The following SAMD8 variants were observed in gnomAD, a reference collection of about 807,000 sequenced individuals.
SAMD8 encodes the protein sterile alpha motif domain containing 8.
In SAMD8, 20 loss-of-function variants were observed where a neutral mutation model predicts 42.0. The observed-to-expected ratio is 0.48, with a 90% CI of 0.34 to 0.69. SAMD8 has a LOEUF of 0.69. Ranked by LOEUF, SAMD8 falls within the 30% of genes least tolerant of loss-of-function variation. The probability of loss-of-function intolerance (pLI) is 0.01; values close to 1 mark genes in which losing one functional copy is unlikely to be tolerated. For missense variants in SAMD8, 328 were observed against 511.6 expected (o/e 0.64, Z 3.46); for synonymous variants, 162 against 173.0 (o/e 0.94, Z 0.50).
At chr10:75,127,636 C>T (rs962124787) in intron 1 of SAMD8, among the ~76,000 whole-genome samples, 17 of 152,170 alleles carry the variant, frequency 1.1e-4, no homozygotes, top group African/African-American at 3.6e-4. Context: ...TTAGGGTGTA[C>T]ATTCTTTTTA....
intron 1 of SAMD8, among the ~76,000 whole-genome samples, chr10:75,142,884 G>T (rs1417106867): frequency 2.0e-5 from 3 of 152,214 alleles, no homozygotes; most frequent in Non-Finnish European, 2.9e-5. Context: ...AAGGACAAAT[G>T]AATGAGGACA....
At chr10:75,159,063 C>CTTTTTTTTTTTTTTTTTTTTTTTT (rs530043259) in intron 2 of SAMD8, among the ~76,000 whole-genome samples, 1 of 133,466 alleles carries the variant, frequency 7.5e-6, no homozygotes, top group Non-Finnish European at 1.6e-5. Context: ...TTTTCTTTTT[C>CTTTTTTTTTTTTTTTTTTTTTTTT]TTTTTTTTTT....
At chr10:75,105,738 G>A in intron 1 of SAMD8, 2 of 1,554,648 alleles carry the variant, frequency 1.3e-6, no homozygotes, top group Non-Finnish European at 1.7e-6. Flanking sequence ...CTCGGTTGGG[G>A]AAGACCCATC....
At chr10:75,108,286 G>A (rs1210125412), upstream of SAMD8, 1 of 1,514,702 alleles carries the variant, frequency 6.6e-7, no homozygotes, top group Non-Finnish European at 8.8e-7. Context: ...GCCCCCTGCT[G>A]CAGAGGGACC....
upstream of SAMD8, among the ~76,000 whole-genome samples, chr10:75,109,674 G>C (rs1172421502): frequency 6.6e-6 from 1 of 152,188 alleles, no homozygotes; most frequent in African/African-American, 2.4e-5. Context: ...AGCTGGATTG[G>C]ATGTCTGTTG....
At position 75,171,160 on chromosome 10, in the gene SAMD8, C is replaced by CTTTTTTTTTTTTT. The variant is rs1003923090; in HGVS notation, c.792+2514_792+2526dup. Among the ~76,000 whole-genome samples the CTTTTTTTTTTTTT allele has an allele frequency of 8.2e-4, 56 of 68,520 alleles. 1 individual carries two copies. The highest frequency in any genetic ancestry group is 1.1e-3 in the African/African-American group (19 of 17,384). The allele number at this position is 68,520 out of a possible 152,430, so 45.0% of individuals were successfully genotyped here. A position where few individuals can be genotyped will look rare whatever the true frequency, so the allele number is the denominator to read the frequency against. ...TCCTTTTCTTTCTTTCTTTCTTTTT[C>CTTTTTTTTTTTTT]TTTTTTTTTTTTTTTTTTTTTTTTG... On this transcript the variant is annotated intron_variant, in intron 4 of 5. Coordinates refer to ENST00000542569, the MANE Select transcript of SAMD8 (RefSeq NM_001174156.2).
intron 1 of SAMD8, among the ~76,000 whole-genome samples, chr10:75,132,328 T>A (rs1589945488): frequency 6.6e-6 from 1 of 152,230 alleles, no homozygotes; most frequent in East Asian, 1.9e-4. Context: ...TAAAAGGATG[T>A]GCCTGAGATA....
intron 4 of SAMD8, among the ~76,000 whole-genome samples, chr10:75,168,948 G>A (rs1178726866): frequency 4.0e-5 from 6 of 151,572 alleles, no homozygotes; most frequent in Non-Finnish European, 8.8e-5. Context: ...CGAGGCGGGC[G>A]GATCATGAGG....
intron 1 of SAMD8, among the ~76,000 whole-genome samples, chr10:75,143,641 A>G (rs1222621522): frequency 1.5e-4 from 22 of 151,344 alleles, no homozygotes; most frequent in Non-Finnish European, 2.4e-4. Context: ...TATCATTCTT[A>G]CCTTTGTTCC....
rs1472753178 is a variant in SAMD8 at position 75,176,806 on chromosome 10, TAA to T, written c.*116_*117del. On this transcript the variant is annotated 3_prime_UTR_variant, in exon 6 of 6. Transcript: ENST00000542569. This position sits in a 1 kb window ranked among gnomAD's most constrained non-coding sequence, Gnocchi z 4.3. ...ATGCCTGGCTTATGTGTTGACAAAG[TAA>T]AGTTTTCTGTTCTGAGCAAAGTTAT... 1 of 753,150 alleles carries T rather than the reference TAA, an allele frequency of 1.3e-6. No individual in the cohort carries two copies. The highest frequency in any genetic ancestry group is 1.8e-5 in the African/African-American group (1 of 56,454). 46.7% of individuals were successfully genotyped at this position (753,150 alleles called of 1,614,324 possible). A position where few individuals can be genotyped will look rare whatever the true frequency, so the allele number is the denominator to read the frequency against.
At position 75,101,914 on chromosome 10, in the gene SAMD8, C is replaced by T. The variant is rs569052864; in HGVS notation, c.-16+2186C>T. 17 of 1,367,688 alleles carry T rather than the reference C, an allele frequency of 1.2e-5. No homozygotes were observed. In the Admixed American group the frequency reaches 1.9e-4, roughly 15 times the overall value. The allele number at this position is 1,367,688 out of a possible 1,614,324, so 84.7% of individuals were successfully genotyped here. A position where few individuals can be genotyped will look rare whatever the true frequency, so the allele number is the denominator to read the frequency against. On this transcript the variant is annotated intron_variant, in intron 1 of 3. Coordinates refer to the SAMD8 transcript ENST00000447533. ...CTGTGCACTTCTCTGACGGGCAGTT[C>T]GTGCTGCTGGCTTTCAGCCGCCTGT...
At chr10:75,132,758 G>A (rs1238720412) in intron 1 of SAMD8, among the ~76,000 whole-genome samples, 1 of 151,924 alleles carries the variant, frequency 6.6e-6, no homozygotes, top group Non-Finnish European at 1.5e-5. Flanking sequence ...AGAGGCCAAA[G>A]CAGGAGGATC....
intron 1 of SAMD8, among the ~76,000 whole-genome samples, chr10:75,127,140 G>A (rs1262237743): frequency 1.4e-5 from 2 of 145,530 alleles, no homozygotes; most frequent in Non-Finnish European, 3.0e-5. Flanking sequence ...AATAAGCTGA[G>A]ATTGCGCCAC....
In SAMD8 at chr10:75,130,064, A is replaced by T. The variant is rs549711163; in HGVS notation, c.-16+18342A>T. Among the ~76,000 whole-genome samples, 4 of 152,292 alleles carry T rather than the reference A, an allele frequency of 2.6e-5. No individual in the cohort carries two copies. In the South Asian group the frequency reaches 8.3e-4, roughly 32 times the overall value. The stretch of plus-strand genomic sequence containing the variant: ...AATTTTCTTAGGTGTGGTAATGTGT[A>T]TTGTACTTATTTAGGAAGTTGTCAT... On this transcript the variant is annotated intron_variant, in intron 1 of 5. Coordinates refer to ENST00000542569, the MANE Select transcript of SAMD8 (RefSeq NM_001174156.2).
upstream of SAMD8, chr10:75,111,358 G>A: frequency 6.2e-6 from 3 of 486,738 alleles, no homozygotes; most frequent in Admixed American, 4.5e-5. Flanking sequence ...TGACGCATGC[G>A]CCCTCGGGCT....
rs1841021878 is a variant in SAMD8, at chr10:75,178,157, T to C, written c.*1465T>C. On this transcript the variant is annotated 3_prime_UTR_variant, in exon 6 of 6. Transcript: ENST00000542569. The stretch of plus-strand genomic sequence containing the variant: ...TATTCCCACCCCTGTATAAGCTACA[T>C]AGGAGCCTGAATGAATTGGGTAGGA... 6.6e-6 allele frequency: 1 copy of C among 152,228 alleles called. No homozygotes were observed. Among genetic ancestry groups the C allele is most frequent in the Admixed American group, 6.5e-5 (1 of 15,276 alleles). 9.4% of individuals were successfully genotyped at this position (152,228 alleles called of 1,614,324 possible).
intron 1 of SAMD8, among the ~76,000 whole-genome samples, chr10:75,148,616 G>A (rs1589958509): frequency 6.6e-6 from 1 of 152,162 alleles, no homozygotes; most frequent in Non-Finnish European, 1.5e-5. Context: ...GCCTCCCAAA[G>A]TGCTGGGATT....
At chr10:75,172,793 G>A (rs1006724875) in intron 4 of SAMD8, among the ~76,000 whole-genome samples, 17 of 152,008 alleles carry the variant, frequency 1.1e-4, no homozygotes, top group African/African-American at 4.1e-4. Flanking sequence ...ACCGTGCCTG[G>A]CCTAATTTTA....
intron 1 of SAMD8, among the ~76,000 whole-genome samples, chr10:75,142,272 CATT>C (rs997827846): frequency 2.6e-5 from 4 of 151,268 alleles, no homozygotes; most frequent in Non-Finnish European, 5.9e-5. Flanking sequence ...CTGCCCTCAT[CATT>C]ATTATTTCCT....
Sources: allele counts gnomAD v4.1 joint callset (sites outside exome capture counted in the v4.1 genomes callset), GRCh38; gene constraint gnomAD v4.1.1; non-coding constraint Gnocchi (gnomAD v3.1); transcripts MANE v1.5; gene names NCBI Gene and HGNC (gene_info 2026-07-23, HGNC 2026-07-21).